Variants in ST6GALNAC3 observed in about 807,000 individuals in gnomAD.
ST6GALNAC3 encodes ST6 N-acetylgalactosaminide alpha-2,6-sialyltransferase 3.
In ST6GALNAC3, 25 loss-of-function variants were observed where a neutral mutation model predicts 32.7. That is an observed-to-expected ratio of 0.76 (90% CI 0.56 to 1.07). The LOEUF (loss-of-function observed/expected upper bound fraction) is 1.07. Ranked by LOEUF, ST6GALNAC3 falls within the 50% of genes least tolerant of loss-of-function variation. The pLI is 0.00. For missense variants in ST6GALNAC3, 355 were observed against 382.4 expected, an observed-to-expected ratio of 0.93 and a Z score of 0.60; for synonymous variants, 129 against 133.1, an observed-to-expected ratio of 0.97 and a Z score of 0.21.
chr1:76,347,409 G>A (rs1648610918), intron 2 of ST6GALNAC3, among the ~76,000 whole-genome samples: 2 of 151,726 alleles, frequency 1.3e-5, no homozygotes, highest in South Asian at 4.2e-4. Flanking sequence ...CATTCTCCTT[G>A]AATCCACTTT....
intron 1 of ST6GALNAC3, among the ~76,000 whole-genome samples, chr1:76,210,518 C>G (rs935188307): frequency 2.0e-5 from 3 of 152,114 alleles, no homozygotes; most frequent in Admixed American, 2.0e-4. Flanking sequence ...TTTGTATCCA[C>G]CCTTATATTA....
At chr1:76,355,078 A>G (rs1483987468) in intron 2 of ST6GALNAC3, among the ~76,000 whole-genome samples, 1 of 152,114 alleles carries the variant, frequency 6.6e-6, no homozygotes. Flanking sequence ...ACAATCATGT[A>G]GGTTCCTTTT....
rs544365543 is a variant in ST6GALNAC3, at chr1:76,114,707, G to A, written c.18+39823G>A. On this transcript the variant is annotated intron_variant, in intron 1 of 4. Coordinates refer to ENST00000328299, the MANE Select transcript of ST6GALNAC3 (RefSeq NM_152996.4). ...GCGAATCATTTGAGGTCAGGAGTTC[G>A]AGACCAGCCTGGCCAACGTGGTGAA... Among the ~76,000 whole-genome samples, 3 of 152,082 alleles carry A rather than the reference G, an allele frequency of 2.0e-5. No homozygotes were observed. The East Asian group carries it at 5.8e-4, about 29-fold the overall frequency.
At chr1:76,594,967 T>C (rs907231167) in intron 3 of ST6GALNAC3, among the ~76,000 whole-genome samples, 8 of 152,182 alleles carry the variant, frequency 5.3e-5, no homozygotes, top group African/African-American at 1.7e-4. Context: ...GTCACATTGA[T>C]ACATTACATT....
intron 1 of ST6GALNAC3, among the ~76,000 whole-genome samples, chr1:76,243,141 G>A (rs906315733): frequency 1.7e-4 from 26 of 152,068 alleles, no homozygotes; most frequent in Admixed American, 1.5e-3. Context: ...TTTAGTGATC[G>A]CCATTCTGAC....
At chr1:76,318,098 A>C (rs12078910) in intron 2 of ST6GALNAC3, among the ~76,000 whole-genome samples, 47,233 of 150,522 alleles carry the variant, frequency 0.31, 7,629 homozygotes, top group African/African-American at 0.4. Flanking sequence ...TTCCCAGGGG[A>C]AATACAAAAA....
At chr1:76,442,082 G>A (rs1571240396) in intron 3 of ST6GALNAC3, among the ~76,000 whole-genome samples, 1 of 152,216 alleles carries the variant, frequency 6.6e-6, no homozygotes, top group Non-Finnish European at 1.5e-5. Flanking sequence ...AGAAACATAT[G>A]AGAGGCTGAG....
At chr1:76,358,056 T>A (rs1292323332) in intron 2 of ST6GALNAC3, among the ~76,000 whole-genome samples, 1 of 152,176 alleles carries the variant, frequency 6.6e-6, no homozygotes, top group Non-Finnish European at 1.5e-5. Context: ...TGCTCACCAC[T>A]TCTTTTTTTA....
chr1:76,075,789 C>T (rs1349298614), intron 1 of ST6GALNAC3, among the ~76,000 whole-genome samples: 1 of 151,688 alleles, frequency 6.6e-6, no homozygotes, highest in African/African-American at 2.4e-5. Context: ...ATGAAAGTTT[C>T]CTGGGCCTTG....
At chr1:76,620,021 G>A (rs992143716) in intron 3 of ST6GALNAC3, among the ~76,000 whole-genome samples, 2 of 152,094 alleles carry the variant, frequency 1.3e-5, no homozygotes, top group Non-Finnish European at 2.9e-5. Context: ...CTCCTGAATA[G>A]CCTTGGTTTT....
At chr1:76,138,976 C>A (rs954574126) in intron 1 of ST6GALNAC3, among the ~76,000 whole-genome samples, 1 of 152,088 alleles carries the variant, frequency 6.6e-6, no homozygotes, top group Non-Finnish European at 1.5e-5. Context: ...GGGCGGATTA[C>A]GAGGTCAGGA....
intron 2 of ST6GALNAC3, among the ~76,000 whole-genome samples, chr1:76,329,318 C>T (rs570864615): frequency 1.6e-3 from 240 of 152,292 alleles, no homozygotes; most frequent in African/African-American, 5.3e-3. Flanking sequence ...CTTTTCAATG[C>T]ATCCTGCCCC....
intron 2 of ST6GALNAC3, among the ~76,000 whole-genome samples, chr1:76,409,353 G>GT (rs909970157): frequency 6.6e-6 from 1 of 152,120 alleles, no homozygotes; most frequent in Non-Finnish European, 1.5e-5. Context: ...TGCAAGTCAA[G>GT]TTTTTTTCAA....
intron 1 of ST6GALNAC3, among the ~76,000 whole-genome samples, chr1:76,134,480 C>T (rs1334517140): frequency 6.6e-6 from 1 of 152,236 alleles, no homozygotes; most frequent in Non-Finnish European, 1.5e-5. Flanking sequence ...CACTGCCATG[C>T]TGTGGAGGGG....
At chr1:76,588,593 G>A (rs978222093) in intron 3 of ST6GALNAC3, among the ~76,000 whole-genome samples, 2 of 152,172 alleles carry the variant, frequency 1.3e-5, no homozygotes, top group Admixed American at 1.3e-4. Flanking sequence ...CTACTCTGCT[G>A]TCAATCACAG....
intron 1 of ST6GALNAC3, among the ~76,000 whole-genome samples, chr1:76,135,800 T>C (rs985670753): frequency 6.6e-6 from 1 of 152,180 alleles, no homozygotes; most frequent in African/African-American, 2.4e-5. Context: ...CCTGCCTGGA[T>C]AGGTTTCCAC....
intron 3 of ST6GALNAC3, among the ~76,000 whole-genome samples, chr1:76,571,019 C>G (rs1048919313): frequency 6.6e-6 from 1 of 152,004 alleles, no homozygotes; most frequent in Non-Finnish European, 1.5e-5. Flanking sequence ...TTTCCTCTCT[C>G]GAAATTGCTC....
chr1:76,278,175 A>G (rs1557747920), intron 1 of ST6GALNAC3, among the ~76,000 whole-genome samples: 1 of 131,338 alleles, frequency 7.6e-6, no homozygotes. Context: ...CGTCACTATA[A>G]TAAATGGTAT....
At chr1:76,386,769 A>C (rs1490618845) in intron 2 of ST6GALNAC3, among the ~76,000 whole-genome samples, 1 of 152,128 alleles carries the variant, frequency 6.6e-6, no homozygotes, top group African/African-American at 2.4e-5. Flanking sequence ...CCAGCAAGAG[A>C]TTATTCTTCA....
Sources: gnomAD v4.1 joint callset for allele counts (sites outside exome capture counted in the v4.1 genomes callset) on GRCh38, gnomAD v4.1.1 for gene constraint, MANE v1.5 for transcripts, NCBI Gene and HGNC (gene_info 2026-07-23, HGNC 2026-07-21) for gene names.